The following ARPP21 variants were observed in gnomAD, a reference collection of about 807,000 sequenced individuals.
The protein encoded by ARPP21 is cAMP regulated phosphoprotein 21.
In ARPP21, 69 loss-of-function variants were observed where a neutral mutation model predicts 113.2. The ratio of observed to expected loss-of-function variants is 0.61; its 90% confidence interval spans 0.50 to 0.74. ARPP21 has a LOEUF of 0.74. ARPP21 is among the 30% of genes least tolerant of loss of function. ARPP21 has a pLI of 0.00. For synonymous variants in ARPP21, 368 were observed against 375.5 expected (o/e 0.98, Z 0.23); for missense variants, 1,070 against 1,037.4 (o/e 1.03, Z -0.43).
intron 9 of ARPP21, among the ~76,000 whole-genome samples, chr3:35,699,852 A>G (rs1299350313): frequency 6.6e-6 from 1 of 151,724 alleles, no homozygotes; most frequent in East Asian, 1.9e-4. Context: ...AAAACACAAC[A>G]ATTATATTCA....
chr3:35,670,258 A>G (rs2075993661), intron 1 of ARPP21, among the ~76,000 whole-genome samples: 1 of 152,160 alleles, frequency 6.6e-6, no homozygotes, highest in Non-Finnish European at 1.5e-5. Flanking sequence ...AGGTTTGTGC[A>G]GGGAACACCC....
intron 9 of ARPP21, among the ~76,000 whole-genome samples, chr3:35,703,542 G>C (rs1190005012): frequency 6.6e-6 from 1 of 151,754 alleles, no homozygotes; most frequent in Non-Finnish European, 1.5e-5. Flanking sequence ...GAAGAAGAAA[G>C]TATTTTTCAC....
At position 35,715,461 on chromosome 3, in the gene ARPP21, T is replaced by G. The variant is rs1257507702; in HGVS notation, c.920T>G (p.Leu307Arg). 2 of 1,612,590 alleles carry G rather than the reference T, an allele frequency of 1.2e-6. No individual in the cohort carries two copies. The highest frequency in any genetic ancestry group is 1.1e-5 in the South Asian group (1 of 90,998). The change falls in exon 12 of 21, where the codon CTT becomes CGT. Residue 307 changes from leucine (L) to arginine (R), a missense_variant. Leu to Arg is a moderately radical substitution (Grantham distance 102). Transcript: ENST00000684406. The part of the protein sequence containing the change: ...AHDSVCSQES[L>R]FVENSRLLED... ...CAGTCAGTTTGCTCCCAGGAAAGCC[T>G]TTTTGTGGAAAACAGGTAAAATAAA...
At chr3:35,725,244 A>G (rs1364693591) in intron 14 of ARPP21, among the ~76,000 whole-genome samples, 1 of 152,126 alleles carries the variant, frequency 6.6e-6, no homozygotes, top group South Asian at 2.1e-4. Context: ...TTTCATGATG[A>G]TTAGATTTCA....
intron 11 of ARPP21, among the ~76,000 whole-genome samples, chr3:35,711,969 T>C (rs1014059008): frequency 6.6e-6 from 1 of 152,214 alleles, no homozygotes; most frequent in Non-Finnish European, 1.5e-5. Flanking sequence ...ATGTGGAAAG[T>C]ACCACACAAG....
chr3:35,781,847 C>T (rs1309074132), intron 19 of ARPP21, among the ~76,000 whole-genome samples: 1 of 152,084 alleles, frequency 6.6e-6, no homozygotes, highest in Admixed American at 6.6e-5. Flanking sequence ...AATGTTTAGT[C>T]CCAAATTCTC....
intron 19 of ARPP21, among the ~76,000 whole-genome samples, chr3:35,754,979 G>T (rs2095524713): frequency 6.6e-6 from 1 of 151,928 alleles, no homozygotes; most frequent in South Asian, 2.1e-4. Context: ...GGCAAGAAAA[G>T]AAAGGTGGCA....
At chr3:35,783,875 GCTGAT>G (rs1199454139) in intron 19 of ARPP21, among the ~76,000 whole-genome samples, 10 of 152,000 alleles carry the variant, frequency 6.6e-5, no homozygotes, top group Non-Finnish European at 1.3e-4. Context: ...CTTTGCACAT[GCTGAT>G]CCTTATGTTT....
chr3:35,766,981 T>C (rs2096004392), intron 19 of ARPP21, among the ~76,000 whole-genome samples: 1 of 152,164 alleles, frequency 6.6e-6, no homozygotes, highest in Non-Finnish European at 1.5e-5. Flanking sequence ...GGTGTGAGCA[T>C]TAAATGCTTG....
In ARPP21 at chr3:35,729,337, A is replaced by T. The variant is rs2093780909; in HGVS notation, c.1260A>T (p.Gly420=). Residue 420 remains glycine (G), a synonymous_variant, in exon 15 of 21, where the codon GGA becomes GGT. Coordinates refer to ENST00000684406, the MANE Select transcript of ARPP21 (RefSeq NM_001385562.1). ...SESSSSAGSS[G]SLSRTHPPLQ... ...CTTCCAGCAGTGCAGGCTCCTCAGG[A>T]TCGCTGTCCCGCACCCATCCACCTC... 1 of 1,614,158 alleles carries T rather than the reference A, an allele frequency of 6.2e-7. No homozygotes were observed. Among genetic ancestry groups the T allele is most frequent in the Non-Finnish European group, 8.5e-7 (1 of 1,180,036 alleles).
intron 4 of ARPP21, among the ~76,000 whole-genome samples, chr3:35,683,330 T>C (rs2079537865): frequency 6.6e-6 from 1 of 151,756 alleles, no homozygotes; most frequent in African/African-American, 2.4e-5. Context: ...TACTACTGTT[T>C]AGTACACACT....
At chr3:35,684,113 A>C in intron 5 of ARPP21, 1 of 1,520,088 alleles carries the variant, frequency 6.6e-7, no homozygotes, top group Non-Finnish European at 8.8e-7. Context: ...ATTTTCCTCA[A>C]AGGCTCTCTT....
chr3:35,764,503 T>G (rs112828055), intron 19 of ARPP21, among the ~76,000 whole-genome samples: 196 of 152,262 alleles, frequency 1.3e-3, no homozygotes, highest in African/African-American at 4.5e-3. Context: ...TGAGTTAAAT[T>G]TGGATTCTTA....
intron 19 of ARPP21, among the ~76,000 whole-genome samples, chr3:35,783,457 C>T (rs1364816454): frequency 5.3e-5 from 8 of 152,012 alleles, no homozygotes; most frequent in Non-Finnish European, 1.0e-4. Context: ...CCTTGCCGCT[C>T]ATAGATGCCA....
At chr3:35,752,813 C>G (rs2095445350) in intron 19 of ARPP21, among the ~76,000 whole-genome samples, 1 of 152,028 alleles carries the variant, frequency 6.6e-6, no homozygotes, top group Non-Finnish European at 1.5e-5. Flanking sequence ...AGGACCTACC[C>G]AAATTCATTA....
At chr3:35,783,362 G>C (rs1389464166) in intron 19 of ARPP21, among the ~76,000 whole-genome samples, 1 of 151,856 alleles carries the variant, frequency 6.6e-6, no homozygotes, top group Non-Finnish European at 1.5e-5. Context: ...TGTATTTATA[G>C]CTAAGGCACT....
chr3:35,644,298 C>G (rs1187151385), intron 1 of ARPP21, among the ~76,000 whole-genome samples: 1 of 151,616 alleles, frequency 6.6e-6, no homozygotes, highest in Non-Finnish European at 1.5e-5. Context: ...TTTTGCTCAT[C>G]TTGGATTAAT....
chr3:35,771,976 T>C (rs987744030), intron 19 of ARPP21, among the ~76,000 whole-genome samples: 1 of 152,226 alleles, frequency 6.6e-6, no homozygotes, highest in African/African-American at 2.4e-5. Flanking sequence ...CTTAAGAAAA[T>C]CTAATTCACA....
At chr3:35,665,894 A>G (rs188219242) in intron 1 of ARPP21, among the ~76,000 whole-genome samples, 1 of 152,226 alleles carries the variant, frequency 6.6e-6, no homozygotes, top group African/African-American at 2.4e-5. Flanking sequence ...TATCCTGCTC[A>G]TTAATGGTTT....
Sources: gnomAD v4.1 joint callset for allele counts (sites outside exome capture counted in the v4.1 genomes callset) on GRCh38, gnomAD v4.1.1 for gene constraint, MANE v1.5 for transcripts, NCBI Gene and HGNC (gene_info 2026-07-23, HGNC 2026-07-21) for gene names.